The following ROBO2 variants were observed in gnomAD, a reference collection of about 807,000 sequenced individuals.
ROBO2 encodes roundabout guidance receptor 2, also known as roundabout homolog 2.
Under a neutral mutation model 160.8 loss-of-function variants are expected in ROBO2, and 53 were observed. That is an observed-to-expected ratio of 0.33 (90% CI 0.26 to 0.41). The LOEUF is 0.41. Ranked by LOEUF, ROBO2 falls within the 10% of genes least tolerant of loss-of-function variation. The pLI is 1.00. For synonymous variants in ROBO2, 664 were observed against 611.7 expected, an observed-to-expected ratio of 1.09 and a Z score of -1.26; for missense variants, 1,577 against 1,722.4, an observed-to-expected ratio of 0.92 and a Z score of 1.49.
intron 1 of ROBO2, among the ~76,000 whole-genome samples, chr3:77,061,790 G>C (rs533015911): frequency 6.6e-6 from 1 of 152,054 alleles, no homozygotes; most frequent in East Asian, 1.9e-4. Context: ...ACTGAGTTCC[G>C]GGTGGAACCA....
intron 1 of ROBO2, among the ~76,000 whole-genome samples, chr3:75,913,241 A>G (rs1328537374): frequency 1.3e-5 from 2 of 151,920 alleles, no homozygotes; most frequent in Non-Finnish European, 2.9e-5. Context: ...TCATCTAAGG[A>G]CTCCTGTGAT....
At chr3:77,580,448 A>G (rs1183032415) in intron 16 of ROBO2, among the ~76,000 whole-genome samples, 1 of 152,184 alleles carries the variant, frequency 6.6e-6, no homozygotes, top group East Asian at 1.9e-4. Flanking sequence ...TACTGAAGAG[A>G]GACCATCATG....
intron 2 of ROBO2, among the ~76,000 whole-genome samples, chr3:76,831,075 T>C (rs1176748948): frequency 6.6e-6 from 1 of 152,176 alleles, no homozygotes; most frequent in Non-Finnish European, 1.5e-5. Context: ...ATTTATTCTT[T>C]TTCTCAGCAT....
At chr3:77,608,373 G>A (rs1047432806) in intron 21 of ROBO2, among the ~76,000 whole-genome samples, 6 of 152,160 alleles carry the variant, frequency 3.9e-5, no homozygotes, top group Non-Finnish European at 7.3e-5. Flanking sequence ...CGCCACTGTA[G>A]AGCACCATCA....
At chr3:77,198,001 A>C (rs1420390003) in intron 2 of ROBO2, among the ~76,000 whole-genome samples, 2 of 152,308 alleles carry the variant, frequency 1.3e-5, no homozygotes, top group African/African-American at 4.8e-5. Flanking sequence ...TGCCAGCTTC[A>C]CAGGGGCCAG....
intron 2 of ROBO2, among the ~76,000 whole-genome samples, chr3:76,033,254 A>G (rs1005274325): frequency 5.3e-5 from 8 of 152,050 alleles, no homozygotes; most frequent in African/African-American, 7.3e-5. Flanking sequence ...TCTTTAGACA[A>G]TATTACCACG....
intron 2 of ROBO2, among the ~76,000 whole-genome samples, chr3:76,504,818 G>A (rs893920501): frequency 4.6e-5 from 7 of 152,154 alleles, no homozygotes; most frequent in African/African-American, 1.7e-4. Context: ...CTGAGCCACC[G>A]CACCCAGCCG....
chr3:76,379,928 G>A (rs2108543261), intron 2 of ROBO2, among the ~76,000 whole-genome samples: 1 of 151,956 alleles, frequency 6.6e-6, no homozygotes, highest in East Asian at 1.9e-4. Context: ...TGTCTCATGT[G>A]TTTATTTTAT....
intron 8 of ROBO2, among the ~76,000 whole-genome samples, chr3:77,552,391 G>A (rs2092951883): frequency 6.6e-6 from 1 of 151,912 alleles, no homozygotes; most frequent in Non-Finnish European, 1.5e-5. Context: ...CATATTTGTG[G>A]GAAGCAAAGT....
At chr3:76,226,506 A>G (rs1222858733) in intron 2 of ROBO2, among the ~76,000 whole-genome samples, 7 of 152,176 alleles carry the variant, frequency 4.6e-5, no homozygotes, top group Non-Finnish European at 5.9e-5. Flanking sequence ...AGTAAGGAGA[A>G]CTACGTGTTC....
intron 1 of ROBO2, among the ~76,000 whole-genome samples, chr3:75,928,159 T>G (rs983532600): frequency 2.7e-5 from 4 of 150,696 alleles, no homozygotes; most frequent in Non-Finnish European, 5.9e-5. Context: ...TTATTTTTTG[T>G]ATTTTTAGTA....
At chr3:77,230,717 C>T (rs1468997551) in intron 2 of ROBO2, among the ~76,000 whole-genome samples, 1 of 152,042 alleles carries the variant, frequency 6.6e-6, no homozygotes, top group African/African-American at 2.4e-5. Context: ...ATTAACTACA[C>T]GGAAACTAAA....
intron 2 of ROBO2, among the ~76,000 whole-genome samples, chr3:76,095,020 G>T (rs1260496872): frequency 3.3e-5 from 5 of 152,088 alleles, no homozygotes; most frequent in African/African-American, 1.2e-4. Context: ...ATTAATGTCA[G>T]CATCAAAAGC....
rs752040478 is a variant in ROBO2, at chr3:76,123,028, T to A, written c.109+185426T>A. ...TCCCAAAGTGTTGGGATTACAGGCATGAGCCACCGTGCCCGACCTGTTTTC... is the reference window on the plus strand; with the variant it reads ...TCCCAAAGTGTTGGGATTACAGGCAAGAGCCACCGTGCCCGACCTGTTTTC... On this transcript the variant is annotated intron_variant, in intron 2 of 26. Coordinates refer to the ROBO2 transcript ENST00000487694. Among the ~76,000 whole-genome samples the A allele has an allele frequency of 1.2e-4, 18 of 152,274 alleles. No individual in the cohort carries two copies. In the South Asian group the frequency reaches 1.5e-3, roughly 12 times the overall value.
At chr3:76,305,758 A>AT in intron 2 of ROBO2, among the ~76,000 whole-genome samples, 1 of 62,908 alleles carries the variant, frequency 1.6e-5, no homozygotes, top group Middle Eastern at 0.01. Context: ...GACTCCATAT[A>AT]AAAAAAAAAA....
chr3:77,368,349 T>C (rs1008411888), intron 2 of ROBO2, among the ~76,000 whole-genome samples: 1 of 152,278 alleles, frequency 6.6e-6, no homozygotes, highest in East Asian at 1.9e-4. Context: ...TATGTGCAAA[T>C]GTATGTATAA....
chr3:76,107,501 T>C (rs940955134), intron 2 of ROBO2, among the ~76,000 whole-genome samples: 3 of 152,190 alleles, frequency 2.0e-5, no homozygotes, highest in Non-Finnish European at 2.9e-5. Context: ...ACAAATTCTC[T>C]TTTTAAAACT....
chr3:76,291,065 T>C (rs150024255), intron 2 of ROBO2, among the ~76,000 whole-genome samples: 85 of 152,312 alleles, frequency 5.6e-4, no homozygotes, highest in African/African-American at 2.0e-3. Context: ...CTGCATGAGT[T>C]AGGGAAGAGA....
intron 6 of ROBO2, among the ~76,000 whole-genome samples, chr3:77,532,067 A>T (rs2153635531): frequency 6.6e-6 from 1 of 152,246 alleles, no homozygotes; most frequent in Admixed American, 6.5e-5. Context: ...AACGTTTAAA[A>T]TATCTTAAGC....
Sources: gnomAD v4.1 joint callset for allele counts (sites outside exome capture counted in the v4.1 genomes callset) on GRCh38, gnomAD v4.1.1 for gene constraint, MANE v1.5 for transcripts, NCBI Gene and HGNC (gene_info 2026-07-23, HGNC 2026-07-21) for gene names.